The following GYG1 variants were observed in gnomAD, a reference collection of about 807,000 sequenced individuals.
GYG1 encodes glycogenin 1, also known as glycogenin-1.
GYG1 carries 44 observed loss-of-function variants against 41.9 expected under a neutral mutation model. The observed-to-expected ratio is 1.05, with a 90% confidence interval of 0.83 to 1.35. The LOEUF (loss-of-function observed/expected upper bound fraction) is 1.35, where lower values mean the gene tolerates loss of function less well. GYG1 is among the 40% of genes most tolerant of loss of function. The pLI, the probability that GYG1 is intolerant of heterozygous loss-of-function variation, is 0.00. For missense variants in GYG1, 429 were observed against 418.9 expected, an observed-to-expected ratio of 1.02 and a Z score of -0.21; for synonymous variants, 141 against 158.1, an observed-to-expected ratio of 0.89 and a Z score of 0.81.
intron 4 of GYG1, among the ~76,000 whole-genome samples, chr3:149,008,640 C>T (rs1291674507): frequency 3.3e-5 from 5 of 152,180 alleles, no homozygotes; most frequent in African/African-American, 1.2e-4. Flanking sequence ...CATTCATCTC[C>T]ATCTGTGTGA....
Position 149,024,037 on chromosome 3 carries a change from T to TG in GYG1, c.609-15dup, listed in dbSNP as rs560773197. On this transcript the variant is annotated splice_polypyrimidine_tract_variant and intron_variant, in intron 5 of 7. Coordinates refer to ENST00000345003, the MANE Select transcript of GYG1 (RefSeq NM_004130.4). ...TCAGAATCCACTAACTGTTTCAACT[T>TG]GCGTTCACTTGGCAGGTTTGGTGCA... 31 of 1,591,732 alleles carry TG rather than the reference T, an allele frequency of 1.9e-5. No homozygotes were observed. The highest frequency in any genetic ancestry group is 2.5e-5 in the Non-Finnish European group (29 of 1,159,706).
At chr3:148,998,986 A>G (rs2107890327) in intron 4 of GYG1, among the ~76,000 whole-genome samples, 1 of 152,320 alleles carries the variant, frequency 6.6e-6, no homozygotes, top group South Asian at 2.1e-4. Flanking sequence ...ACTGCCTGAA[A>G]TCCACATGAT....
chr3:149,018,277 T>G (rs956199130), intron 5 of GYG1, among the ~76,000 whole-genome samples: 1 of 152,208 alleles, frequency 6.6e-6, no homozygotes, highest in Non-Finnish European at 1.5e-5. Context: ...GACCTGTTGC[T>G]CATTCTTTTT....
intron 5 of GYG1, among the ~76,000 whole-genome samples, chr3:149,012,332 A>AG: frequency 6.6e-6 from 1 of 152,274 alleles, no homozygotes. Context: ...GGCCTTCCCT[A>AG]GGACAGCATG....
intron 5 of GYG1, among the ~76,000 whole-genome samples, chr3:149,013,382 T>C (rs1451826052): frequency 6.6e-6 from 1 of 152,224 alleles, no homozygotes; most frequent in Non-Finnish European, 1.5e-5. Flanking sequence ...TTATATCCAC[T>C]GACTAAACGC....
intron 5 of GYG1, among the ~76,000 whole-genome samples, chr3:149,014,683 T>TAA (rs376093069): frequency 1.4e-5 from 2 of 145,142 alleles, no homozygotes; most frequent in Non-Finnish European, 3.0e-5. Flanking sequence ...CTGACACTAC[T>TAA]AAAAAAAAAA....
rs539623066 is a variant in GYG1 at position 149,002,122 on chromosome 3, A to G, written c.481+5218A>G. Among the ~76,000 whole-genome samples, 11 of 152,306 alleles carry G rather than the reference A, an allele frequency of 7.2e-5. No individual in the cohort carries two copies. In the East Asian group the frequency reaches 1.4e-3, roughly 19 times the overall value. ...ATTCTTGGAAGGGTTCCTCTCACCT[A>G]TATTTCTGTAGTAGGTCCATTCATT... On this transcript the variant is annotated intron_variant, in intron 4 of 7. Coordinates refer to ENST00000345003, the MANE Select transcript of GYG1 (RefSeq NM_004130.4).
chr3:149,029,340 C>T lies in GYG1; in HGVS notation c.*2407C>T, dbSNP rs966325235. ...GCAGAGGTGATCCATATATACTTAT[C>T]CCCTTGCAGTGGCTGGTATGACCTT... On this transcript the variant is annotated 3_prime_UTR_variant, in exon 8 of 8. Transcript: ENST00000345003. 1.3e-5 allele frequency among the ~76,000 whole-genome samples: 2 copies of T among 152,070 alleles called. No homozygotes were observed. Among genetic ancestry groups the T allele is most frequent in the African/African-American group, 2.4e-5 (1 of 41,424 alleles).
Position 148,996,401 on chromosome 3 carries a change from TGTC to T in GYG1, c.244_246del (p.Val82del), listed in dbSNP as rs1347775185. 2 of 1,613,454 alleles carry T rather than the reference TGTC, an allele frequency of 1.2e-6. No individual in the cohort carries two copies. Among genetic ancestry groups the T allele is most frequent in the African/African-American group, 2.7e-5 (2 of 75,032 alleles). On this transcript the variant is annotated inframe_deletion, in exon 3 of 8. Transcript: ENST00000345003. ...CCTTAATGAAGAGGCCAGAGTTGGG[TGTC>T]ACGCTGACAAAGCTCCACTGCTGGT...
At chr3:149,014,992 G>A (rs1306445721) in intron 5 of GYG1, among the ~76,000 whole-genome samples, 1 of 151,960 alleles carries the variant, frequency 6.6e-6, no homozygotes, top group African/African-American at 2.4e-5. Flanking sequence ...AATTGTCAAT[G>A]CTTTAAAAAT....
intron 5 of GYG1, among the ~76,000 whole-genome samples, chr3:149,013,290 A>C (rs1422607762): frequency 1.3e-5 from 2 of 152,228 alleles, no homozygotes; most frequent in Admixed American, 6.5e-5. Context: ...TCCAGATAGC[A>C]TATAGTATGG....
chr3:149,026,799 G>A lies in GYG1; in HGVS notation c.919G>A (p.Glu307Lys). 1 of 1,613,812 alleles carries A rather than the reference G, an allele frequency of 6.2e-7. No individual in the cohort carries two copies. The highest frequency in any genetic ancestry group is 8.5e-7 in the Non-Finnish European group (1 of 1,179,750). Residue 307 changes from glutamate (E) to lysine (K), a missense_variant, in exon 8 of 8, where the codon GAG (glutamate) becomes AAG (lysine). Transcript: ENST00000345003. ...SGAISHLSLG[E>K]IPAMAQPFVS... is the part of the protein sequence containing the mutation. ...AGCCATATCACATCTGTCCCTTGGGGAGATCCCAGCTATGGCACAGCCGTT... is the reference window on the plus strand; with the variant it reads ...AGCCATATCACATCTGTCCCTTGGGAAGATCCCAGCTATGGCACAGCCGTT...
intron 5 of GYG1, among the ~76,000 whole-genome samples, chr3:149,009,631 G>A (rs900268935): frequency 6.6e-6 from 1 of 152,174 alleles, no homozygotes; most frequent in Non-Finnish European, 1.5e-5. Context: ...GTTCCCATCA[G>A]TTTCTGGGGT....
At chr3:148,991,957 G>T (rs968832471) in intron 1 of GYG1, among the ~76,000 whole-genome samples, 5 of 152,102 alleles carry the variant, frequency 3.3e-5, no homozygotes, top group African/African-American at 1.2e-4. Flanking sequence ...CAGCTGCGGC[G>T]GGGCCGTGTG....
chr3:148,994,510 T>C (rs557871726), intron 2 of GYG1, among the ~76,000 whole-genome samples: 15 of 66,212 alleles, frequency 2.3e-4, no homozygotes, highest in African/African-American at 1.3e-3. Flanking sequence ...ACTTTCTGGT[T>C]CCAACTAGGA....
chr3:149,014,169 C>T (rs368385086), intron 5 of GYG1, among the ~76,000 whole-genome samples: 14 of 152,154 alleles, frequency 9.2e-5, no homozygotes, highest in African/African-American at 3.4e-4. Context: ...CCCTCTTTCT[C>T]GGTGATAGTG....
chr3:148,996,453 G>T lies in GYG1; in HGVS notation c.295G>T (p.Val99Leu). 1 of 1,613,974 alleles carries T rather than the reference G, an allele frequency of 6.2e-7. No homozygotes were observed. The highest frequency in any genetic ancestry group is 2.2e-5 in the East Asian group (1 of 44,890). Residue 99 changes from valine (V) to leucine (L), a missense_variant, in exon 3 of 8, where the codon GTA (valine) becomes TTA (leucine). By Grantham distance (32) the Val-to-Leu change is conservative. Coordinates refer to ENST00000345003, the MANE Select transcript of GYG1 (RefSeq NM_004130.4). Reference protein sequence around the residue: ...CWSLTQYSKCVFMDADTLVLA... With the variant: ...CWSLTQYSKCLFMDADTLVLA... ...GTCGCTTACACAGTATTCAAAATGT[G>T]TATTCATGGATGCAGATACTCTGGT...
intron 4 of GYG1, among the ~76,000 whole-genome samples, chr3:149,006,660 T>G (rs912972850): frequency 1.3e-5 from 2 of 152,220 alleles, no homozygotes; most frequent in African/African-American, 4.8e-5. Flanking sequence ...TGAGCTGTTT[T>G]CAGTTTGTAC....
At chr3:149,017,582 GTTTTTTTTTTTT>G (rs58075146) in intron 5 of GYG1, among the ~76,000 whole-genome samples, 33 of 47,382 alleles carry the variant, frequency 7.0e-4, no homozygotes, top group African/African-American at 1.4e-3. Context: ...TTTTATTTAG[GTTTTTTTTTTTT>G]TTTTTTTTTT....
Sources: gnomAD v4.1 joint callset for allele counts (sites outside exome capture counted in the v4.1 genomes callset) on GRCh38, gnomAD v4.1.1 for gene constraint, MANE v1.5 for transcripts, NCBI Gene and HGNC (gene_info 2026-07-23, HGNC 2026-07-21) for gene names.